Variants in RRM2 observed in about 807,000 individuals in gnomAD.
RRM2 encodes ribonucleoside-diphosphate reductase subunit M2.
RRM2 carries 6 observed loss-of-function variants against 45.9 expected under a neutral mutation model. That is an observed-to-expected ratio of 0.13 (90% confidence interval 0.07 to 0.26). The LOEUF (loss-of-function observed/expected upper bound fraction) is 0.26. Among genes scored for constraint, RRM2 ranks in the 10% least tolerant of loss-of-function variants. RRM2 has a pLI of 1.00. For synonymous variants in RRM2, 177 were observed against 173.0 expected, an observed-to-expected ratio of 1.02 and a Z score of -0.18; for missense variants, 343 against 489.5, an observed-to-expected ratio of 0.70 and a Z score of 2.82.
In RRM2 at chr2:10,208,079, A is replaced by G. The variant is rs559550650; in HGVS notation, n.483-2232A>G. The stretch of plus-strand genomic sequence containing the variant: ...TATAAATGAATAGTAAGTAAGAGCC[A>G]TAAGAAATAATTGGAGAAAGAAGGA... On this transcript the variant is annotated intron_variant and non_coding_transcript_variant, in intron 3 of 3. Coordinates refer to the RRM2 transcript ENST00000381786. Among the ~76,000 whole-genome samples the G allele has an allele frequency of 3.9e-5, 6 of 152,366 alleles. No individual in the cohort carries two copies. The East Asian group carries it at 9.6e-4, about 24-fold the overall frequency.
chr2:10,151,631 T>C (rs1396912608), intron 3 of RRM2, among the ~76,000 whole-genome samples: 1 of 152,154 alleles, frequency 6.6e-6, no homozygotes, highest in Non-Finnish European at 1.5e-5. Context: ...AGGAGCAGAA[T>C]GACTGGGTCA....
rs532047626 is a variant in RRM2 at position 10,194,572 on chromosome 2, G to A, written n.483-15739G>A. On this transcript the variant is annotated intron_variant and non_coding_transcript_variant, in intron 3 of 3. Transcript: ENST00000381786. ...CTCCGTCCTGCTTCACTGCCTTATG[G>A]CACGTGTCCATTTCCCCAACCACCG... Among the ~76,000 whole-genome samples, 37 of 152,356 alleles carry A rather than the reference G, an allele frequency of 2.4e-4. No homozygotes were observed. The East Asian group carries it at 3.7e-3, about 15-fold the overall frequency.
At chr2:10,166,649 G>T (rs1405907478) in intron 3 of RRM2, among the ~76,000 whole-genome samples, 1 of 152,260 alleles carries the variant, frequency 6.6e-6, no homozygotes, top group Non-Finnish European at 1.5e-5. Context: ...GCTAGCAGGT[G>T]CAGAGGCAGG....
intron 3 of RRM2, among the ~76,000 whole-genome samples, chr2:10,170,938 C>T (rs1663792156): frequency 6.6e-6 from 1 of 152,242 alleles, no homozygotes; most frequent in African/African-American, 2.4e-5. Flanking sequence ...AAGGAGAGAG[C>T]TAAGTGACAG....
In RRM2 at chr2:10,159,798, G is replaced by A. The variant is rs72786678; in HGVS notation, n.482+17423G>A. ...GCCTCTCCAGGGAGAAGAGCCCAGC[G>A]TTTCAGAAACGCTGGCTTGAAGGAG... On this transcript the variant is annotated intron_variant and non_coding_transcript_variant, in intron 3 of 3. Transcript: ENST00000381786. Among the ~76,000 whole-genome samples the A allele has an allele frequency of 8.5e-4, 129 of 152,268 alleles. No individual in the cohort carries two copies. The Middle Eastern group carries it at 0.01, about 12-fold the overall frequency.
intron 3 of RRM2, among the ~76,000 whole-genome samples, chr2:10,168,364 A>G (rs979148058): frequency 1.3e-5 from 2 of 152,026 alleles, no homozygotes; most frequent in Admixed American, 1.3e-4. Flanking sequence ...GATCTCCTCC[A>G]TCTTCATCCT....
chr2:10,136,685 A>G (rs749429888), upstream of RRM2, among the ~76,000 whole-genome samples: 1 of 152,190 alleles, frequency 6.6e-6, no homozygotes, highest in Non-Finnish European at 1.5e-5. Context: ...AGGCAGAAGG[A>G]TCACTGGAAC....
intron 3 of RRM2, among the ~76,000 whole-genome samples, chr2:10,191,706 T>C (rs1252836651): frequency 2.0e-5 from 3 of 152,070 alleles, no homozygotes; most frequent in African/African-American, 7.2e-5. Context: ...CCAGCCCTCC[T>C]GACCAGGCTA....
At chr2:10,210,471 G>A in exon 4 of RRM2, 1 of 1,367,910 alleles carries the variant, frequency 7.3e-7, no homozygotes, top group Non-Finnish European at 9.8e-7. Context: ...AGTTATCTGG[G>A]TGGGAACTCA....
Position 10,195,683 on chromosome 2 carries a change from C to T in RRM2, n.483-14628C>T, listed in dbSNP as rs1362614450. ...AGACCTGTGAGTTGGTCCCCGACAG[C>T]CTCCTGCCTTTCTCCCTGACTGCCC... On this transcript the variant is annotated intron_variant and non_coding_transcript_variant, in intron 3 of 3. Coordinates refer to the RRM2 transcript ENST00000381786. This position sits in a 1 kb window ranked among gnomAD's most constrained non-coding sequence, Gnocchi z 4.9. Among the ~76,000 whole-genome samples the T allele has an allele frequency of 3.9e-5, 6 of 152,126 alleles. No individual in the cohort carries two copies. The highest frequency in any genetic ancestry group is 7.4e-5 in the Non-Finnish European group (5 of 68,026).
In RRM2 at chr2:10,205,190, A is replaced by T. The variant is rs1424324517; in HGVS notation, n.483-5121A>T. On this transcript the variant is annotated intron_variant and non_coding_transcript_variant, in intron 3 of 3. Coordinates refer to the RRM2 transcript ENST00000381786. The surrounding 1 kb of genome is among the most constrained non-coding windows in gnomAD (Gnocchi z 4.8). ...GGCCAGGGGTCGGAGACTTAGAGAA[A>T]TGAGGAGGGGGCGTGGAGCAGGGGC... 6.6e-6 allele frequency among the ~76,000 whole-genome samples: 1 copy of T among 152,204 alleles called. No individual in the cohort carries two copies. The highest frequency in any genetic ancestry group is 1.5e-5 in the Non-Finnish European group (1 of 68,036).
In RRM2 at chr2:10,127,279, T is replaced by G; in HGVS notation, c.798+59T>G. 8.3e-6 allele frequency: 13 copies of G among 1,564,124 alleles called. No homozygotes were observed. Among genetic ancestry groups the G allele is most frequent in the Non-Finnish European group, 9.6e-6 (11 of 1,147,686 alleles). ...CCCCAAACACAACTCGGGCATGCTC[T>G]TGTGTTCACTGACGGGGACCTGAGA... On this transcript the variant is annotated intron_variant, in intron 7 of 9. Transcript: ENST00000304567. The surrounding 1 kb of genome is among the most constrained non-coding windows in gnomAD (Gnocchi z 4.1).
chr2:10,139,498 G>A (rs1482116212), upstream of RRM2, among the ~76,000 whole-genome samples: 1 of 152,224 alleles, frequency 6.6e-6, no homozygotes, highest in Non-Finnish European at 1.5e-5. Context: ...GCCACTGTGA[G>A]CTGGTGACAA....
intron 3 of RRM2, among the ~76,000 whole-genome samples, chr2:10,175,007 C>A (rs1451223930): frequency 6.6e-6 from 1 of 152,220 alleles, no homozygotes; most frequent in African/African-American, 2.4e-5. Context: ...CAGAAAGTCC[C>A]TGCTAACATG....
intron 3 of RRM2, among the ~76,000 whole-genome samples, chr2:10,174,154 G>A (rs1380705869): frequency 4.6e-5 from 7 of 152,162 alleles, no homozygotes; most frequent in African/African-American, 9.7e-5. Context: ...GGGAGGAGGC[G>A]GCTGCCTCCC....
chr2:10,136,532 C>T (rs1662992414), upstream of RRM2, among the ~76,000 whole-genome samples: 1 of 152,126 alleles, frequency 6.6e-6, no homozygotes, highest in Admixed American at 6.5e-5. Context: ...CACTGGGAGG[C>T]CAAGGGGGGA....
chr2:10,194,499 G>T (rs1664372935), intron 3 of RRM2, among the ~76,000 whole-genome samples: 1 of 152,234 alleles, frequency 6.6e-6, no homozygotes, highest in African/African-American at 2.4e-5. Flanking sequence ...TGCAGGGCAG[G>T]TTGTGTTACT....
intron 3 of RRM2, among the ~76,000 whole-genome samples, chr2:10,189,840 C>T (rs538020561): frequency 6.6e-6 from 1 of 152,372 alleles, no homozygotes; most frequent in African/African-American, 2.4e-5. Flanking sequence ...CTTGACATCT[C>T]CAGTTCCTGG....
At position 10,127,299 on chromosome 2, in the gene RRM2, C is replaced by T. The variant is rs984055180; in HGVS notation, c.798+79C>T. 1.4e-6 allele frequency: 2 copies of T among 1,451,758 alleles called. No homozygotes were observed. The highest frequency in any genetic ancestry group is 1.9e-5 in the Admixed American group (1 of 53,544). The allele number at this position is 1,451,758 out of a possible 1,614,324, so 89.9% of individuals were successfully genotyped here. A position where few individuals can be genotyped will look rare whatever the true frequency, so the allele number is the denominator to read the frequency against. On this transcript the variant is annotated intron_variant, in intron 7 of 9. Transcript: ENST00000304567. This position sits in a 1 kb window ranked among gnomAD's most constrained non-coding sequence, Gnocchi z 4.1. ...TGCTCTTGTGTTCACTGACGGGGAC[C>T]TGAGATGCTAGATGGCATATATCCA...
Sources: gnomAD v4.1 joint callset for allele counts (sites outside exome capture counted in the v4.1 genomes callset) on GRCh38, gnomAD v4.1.1 for gene constraint, Gnocchi (gnomAD v3.1) non-coding constraint, MANE v1.5 for transcripts, NCBI Gene and HGNC (gene_info 2026-07-23, HGNC 2026-07-21) for gene names.